DCC: variants seen among roughly 807,000 people sequenced by gnomAD.
DCC encodes DCC netrin 1 receptor, also known as netrin receptor DCC.
Under a neutral mutation model 172.5 loss-of-function variants are expected in DCC, and 58 were observed. That is an observed-to-expected ratio of 0.34 (90% CI 0.27 to 0.42). DCC has a LOEUF of 0.42. DCC is among the 10% of genes least tolerant of loss of function. DCC has a pLI of 1.00. For synonymous variants in DCC, 709 were observed against 644.5 expected, an observed-to-expected ratio of 1.10 and a Z score of -1.52; for missense variants, 1,740 against 1,791.0, an observed-to-expected ratio of 0.97 and a Z score of 0.51.
At chr18:53,467,050 A>T (rs1025505850) in intron 24 of DCC, among the ~76,000 whole-genome samples, 3 of 152,200 alleles carry the variant, frequency 2.0e-5, no homozygotes, top group Non-Finnish European at 2.9e-5. Flanking sequence ...AAGTACCCAA[A>T]ATAGTAAAAC....
At chr18:52,791,176 G>A in intron 2 of DCC, among the ~76,000 whole-genome samples, 1 of 152,168 alleles carries the variant, frequency 6.6e-6, no homozygotes, top group East Asian at 1.9e-4. Flanking sequence ...AATTCTCTCT[G>A]TGCCTGTCTG....
intron 1 of DCC, among the ~76,000 whole-genome samples, chr18:52,684,501 T>C (rs543019486): frequency 6.6e-6 from 1 of 152,210 alleles, no homozygotes; most frequent in East Asian, 1.9e-4. Flanking sequence ...AGTCCCTTTG[T>C]GTGGTGATCG....
At chr18:53,370,562 T>C (rs1311259041) in intron 15 of DCC, among the ~76,000 whole-genome samples, 1 of 151,862 alleles carries the variant, frequency 6.6e-6, no homozygotes, top group African/African-American at 2.4e-5. Context: ...AACTCATGTG[T>C]TTTGGTACAC....
chr18:52,726,381 T>C (rs4609945), intron 1 of DCC, among the ~76,000 whole-genome samples: 148,808 of 152,162 alleles, frequency 0.98, 72,840 homozygotes, highest in East Asian at 1. Context: ...CTATTAAACC[T>C]CATCTCTTTC....
At chr18:53,198,645 C>G (rs1467040010) in intron 9 of DCC, among the ~76,000 whole-genome samples, 1 of 152,030 alleles carries the variant, frequency 6.6e-6, no homozygotes, top group Admixed American at 6.6e-5. Context: ...AATTACTGTT[C>G]CCAGTGCAAA....
At chr18:53,344,028 A>G (rs1360998441) in intron 15 of DCC, among the ~76,000 whole-genome samples, 1 of 151,808 alleles carries the variant, frequency 6.6e-6, no homozygotes, top group Non-Finnish European at 1.5e-5. Flanking sequence ...TTTTTGTGAT[A>G]TCTAGACAGA....
chr18:52,952,264 T>C (rs1273474613), intron 5 of DCC, among the ~76,000 whole-genome samples: 1 of 152,194 alleles, frequency 6.6e-6, no homozygotes, highest in African/African-American at 2.4e-5. Flanking sequence ...AAAAGGAGTA[T>C]ATGAACACTA....
intron 15 of DCC, among the ~76,000 whole-genome samples, chr18:53,341,005 T>A (rs1447334683): frequency 6.6e-6 from 1 of 152,204 alleles, no homozygotes; most frequent in East Asian, 1.9e-4. Context: ...CTTCAAACAC[T>A]AATAAGAGAA....
chr18:52,793,991 G>A (rs890486670), intron 2 of DCC, among the ~76,000 whole-genome samples: 2 of 151,870 alleles, frequency 1.3e-5, no homozygotes, highest in African/African-American at 4.8e-5. Flanking sequence ...CTATATTTCT[G>A]GGTTTTATAT....
chr18:52,731,822 A>G (rs548187549), intron 1 of DCC, among the ~76,000 whole-genome samples: 3 of 152,258 alleles, frequency 2.0e-5, no homozygotes, highest in South Asian at 2.1e-4. Context: ...TATTTCCTTA[A>G]TGTCAGACAA....
chr18:53,210,172 A>G (rs745799034), intron 11 of DCC, among the ~76,000 whole-genome samples: 2 of 152,104 alleles, frequency 1.3e-5, no homozygotes, highest in African/African-American at 4.8e-5. Context: ...TCATTTCCTT[A>G]TTATCCAGTT....
chr18:52,841,507 G>A (rs1268789498), intron 2 of DCC, among the ~76,000 whole-genome samples: 1 of 152,128 alleles, frequency 6.6e-6, no homozygotes, highest in African/African-American at 2.4e-5. Flanking sequence ...ACTGTAAAAG[G>A]CATTCTGTCC....
At chr18:53,139,411 G>A (rs2043797004) in intron 7 of DCC, among the ~76,000 whole-genome samples, 1 of 152,158 alleles carries the variant, frequency 6.6e-6, no homozygotes, top group Non-Finnish European at 1.5e-5. Flanking sequence ...GTCAAAGGAA[G>A]GATAAAGTGT....
chr18:52,419,833 A>G (rs568266256), intron 1 of DCC, among the ~76,000 whole-genome samples: 1 of 152,310 alleles, frequency 6.6e-6, no homozygotes, highest in South Asian at 2.1e-4. Context: ...AAATACATAT[A>G]TGGGAATTAT....
At chr18:52,402,760 G>A (rs1986489062) in intron 1 of DCC, among the ~76,000 whole-genome samples, 1 of 151,982 alleles carries the variant, frequency 6.6e-6, no homozygotes, top group South Asian at 2.1e-4. Context: ...TGTAGAATTT[G>A]TGAGCAAGAA....
chr18:52,526,737 T>C (rs2031993341), intron 1 of DCC, among the ~76,000 whole-genome samples: 1 of 152,168 alleles, frequency 6.6e-6, no homozygotes, highest in Admixed American at 6.5e-5. Context: ...CAGAAGGACA[T>C]GGGCTTTTAA....
chr18:53,031,305 A>G (rs1477397567), intron 5 of DCC, among the ~76,000 whole-genome samples: 4 of 152,150 alleles, frequency 2.6e-5, no homozygotes, highest in African/African-American at 9.7e-5. Context: ...ATCCCTTAGA[A>G]TCTTGATAAA....
rs5824990 is a variant in DCC, at chr18:53,148,865, C to CTT, written c.1262-8475_1262-8474dup. Among the ~76,000 whole-genome samples the CTT allele has an allele frequency of 6.2e-3, 682 of 109,758 alleles. 43 individuals carry two copies. Among genetic ancestry groups the CTT allele is most frequent in the African/African-American group, 0.022 (583 of 26,698 alleles). The allele number at this position is 109,758 out of a possible 152,430, so 72.0% of individuals were successfully genotyped here. A position where few individuals can be genotyped will look rare whatever the true frequency, so the allele number is the denominator to read the frequency against. ...AAACTAGCTCAGAACTTCCCAATGC[C>CTT]TTTTTTTTTTTTTTTTTGGACAAAG... On this transcript the variant is annotated intron_variant, in intron 7 of 28. Transcript: ENST00000442544.
intron 1 of DCC, among the ~76,000 whole-genome samples, chr18:52,494,784 G>T (rs2030676412): frequency 6.6e-6 from 1 of 151,844 alleles, no homozygotes; most frequent in Non-Finnish European, 1.5e-5. Context: ...AAAATACCTG[G>T]CTCACTGTGG....
Sources: gnomAD v4.1 joint callset for allele counts (sites outside exome capture counted in the v4.1 genomes callset) on GRCh38, gnomAD v4.1.1 for gene constraint, MANE v1.5 for transcripts, NCBI Gene and HGNC (gene_info 2026-07-23, HGNC 2026-07-21) for gene names.